DOCK1: variants seen among roughly 807,000 people sequenced by gnomAD.
DOCK1 encodes the protein dedicator of cytokinesis 1, also known as dedicator of cytokinesis protein 1.
A neutral mutation model predicts 262.7 loss-of-function variants in DOCK1; 138 were observed. The observed-to-expected ratio is 0.53, with a 90% CI of 0.46 to 0.61. The LOEUF is 0.61. Among genes scored for constraint, DOCK1 ranks in the 20% least tolerant of loss-of-function variants. The probability of loss-of-function intolerance (pLI) is 0.00; values close to 1 mark genes in which losing one functional copy is unlikely to be tolerated. For missense variants in DOCK1, 1,908 were observed against 2,370.7 expected (o/e 0.80, Z 4.05); for synonymous variants, 866 against 867.4 (o/e 1.00, Z 0.03).
chr10:127,135,783 A>T (rs1238329434), intron 27 of DOCK1: 1 of 152,518 alleles, frequency 6.6e-6, no homozygotes, highest in Non-Finnish European at 1.5e-5. Context: ...TATTTTGTGT[A>T]CTAGGATGTC....
Position 127,343,572 on chromosome 10 carries a change from A to G in DOCK1, c.3124-74A>G, listed in dbSNP as rs754330330. The G allele has an allele frequency of 2.0e-5, 24 of 1,190,570 alleles. 1 individual carries two copies. The African/African-American group carries it at 3.1e-4, about 15-fold the overall frequency. 73.8% of individuals were successfully genotyped at this position (1,190,570 alleles called of 1,614,324 possible). On this transcript the variant is annotated intron_variant, in intron 30 of 51. Coordinates refer to ENST00000623213, the MANE Select transcript of DOCK1 (RefSeq NM_001290223.2). ...GAAGTGTGTGCTGAGCAAATGATAAATGTCTGAGAGCATTGTTGAGATCCT... is the reference window on the plus strand; with the variant it reads ...GAAGTGTGTGCTGAGCAAATGATAAGTGTCTGAGAGCATTGTTGAGATCCT...
chr10:127,022,951 C>T (rs1327260529), intron 13 of DOCK1, among the ~76,000 whole-genome samples: 1 of 152,170 alleles, frequency 6.6e-6, no homozygotes, highest in African/African-American at 2.4e-5. Flanking sequence ...AGAGTGTCCT[C>T]TGCCCAGATG....
intron 27 of DOCK1, among the ~76,000 whole-genome samples, chr10:127,226,361 G>T (rs1336290033): frequency 6.6e-6 from 1 of 152,146 alleles, no homozygotes. Context: ...AATGCTGTCA[G>T]CAGGCCCACT....
intron 23 of DOCK1, among the ~76,000 whole-genome samples, chr10:127,062,403 A>T (rs1009415570): frequency 1.3e-5 from 2 of 152,196 alleles, no homozygotes; most frequent in Non-Finnish European, 2.9e-5. Context: ...AACATTCAGA[A>T]TCCTTTCTAC....
chr10:127,052,609 T>C, intron 21 of DOCK1, 72 bp from the exon 22 acceptor site: 2 of 1,605,204 alleles, frequency 1.2e-6, no homozygotes, highest in Non-Finnish European at 1.7e-6. Context: ...TACTTGTATA[T>C]TTCCTTAGCA....
At chr10:127,297,403 T>C (rs187282243) in intron 29 of DOCK1, among the ~76,000 whole-genome samples, 14 of 150,680 alleles carry the variant, frequency 9.3e-5, no homozygotes, top group Admixed American at 7.3e-4. Context: ...TTGTAGAGAG[T>C]AGGATGTGTG....
chr10:126,981,494 G>T (rs2038974185), intron 3 of DOCK1, among the ~76,000 whole-genome samples: 1 of 152,204 alleles, frequency 6.6e-6, no homozygotes, highest in Admixed American at 6.5e-5. Flanking sequence ...GAAAGTCTCT[G>T]TGGGTCTGGG....
intron 4 of DOCK1, among the ~76,000 whole-genome samples, chr10:126,984,016 A>T (rs1315466667): frequency 6.6e-6 from 1 of 152,108 alleles, no homozygotes; most frequent in Non-Finnish European, 1.5e-5. Flanking sequence ...CGATGCTCTT[A>T]TCCTCTTCTT....
At chr10:126,944,881 C>G (rs1298138434) in intron 1 of DOCK1, among the ~76,000 whole-genome samples, 1 of 152,136 alleles carries the variant, frequency 6.6e-6, no homozygotes, top group Non-Finnish European at 1.5e-5. Context: ...CTCTGTCACC[C>G]AGGCTGGAGT....
intron 4 of DOCK1, among the ~76,000 whole-genome samples, chr10:126,983,958 A>T (rs1461311009): frequency 1.3e-5 from 2 of 152,134 alleles, no homozygotes; most frequent in Non-Finnish European, 2.9e-5. Context: ...GCTCCACTGC[A>T]GCCTTGGACA....
intron 10 of DOCK1, chr10:127,007,722 C>CGGG (rs1204371558): frequency 6.6e-6 from 1 of 152,098 alleles, no homozygotes; most frequent in African/African-American, 2.4e-5. Context: ...CTGGATCTCC[C>CGGG]GGGGGGTGTG....
chr10:127,441,198 C>T (rs192474908), intron 49 of DOCK1, among the ~76,000 whole-genome samples: 4 of 152,354 alleles, frequency 2.6e-5, no homozygotes, highest in Admixed American at 6.5e-5. Flanking sequence ...CAAGCACACA[C>T]GTGACAGGCA....
chr10:127,026,353 T>C lies in DOCK1; in HGVS notation c.1553T>C (p.Val518Ala). The C allele has an allele frequency of 1.9e-6, 3 of 1,563,802 alleles. No homozygotes were observed. The highest frequency in any genetic ancestry group is 2.6e-6 in the Non-Finnish European group (3 of 1,152,656). ...AAACTTCTTTTTCAATTCTTGAAGG[T>C]GGCCATTCCCATCGAGGACGTTAAC... ...KQPRWFETVK[V>A]AIPIEDVNRS... The change falls in exon 16 of 52, where the codon GTG becomes GCG. Residue 518 changes from valine to alanine, a missense_variant and splice_region_variant. By Grantham distance (64) the Val-to-Ala change is moderately conservative. Transcript: ENST00000623213.
At position 127,270,531 on chromosome 10, in the gene DOCK1, C is replaced by T. The variant is rs181579499; in HGVS notation, c.3044+13102C>T. ...AATGCCACATGGCTGACTTTCCTCC[C>T]TCCCTCCCTCCCTCTCTTCCTTCCT... is the stretch of plus-strand genomic sequence containing the variant. On this transcript the variant is annotated intron_variant, in intron 29 of 51. Coordinates refer to ENST00000623213, the MANE Select transcript of DOCK1 (RefSeq NM_001290223.2). Among the ~76,000 whole-genome samples the T allele has an allele frequency of 4.6e-5, 7 of 152,162 alleles. No individual in the cohort carries two copies. The East Asian group carries it at 7.8e-4, about 17-fold the overall frequency.
intron 10 of DOCK1, among the ~76,000 whole-genome samples, chr10:127,008,327 G>T (rs1250283913): frequency 1.3e-5 from 2 of 152,080 alleles, no homozygotes; most frequent in Non-Finnish European, 2.9e-5. Context: ...CGAACTCCTG[G>T]GCTCAAGCAC....
intron 27 of DOCK1, chr10:127,137,270 C>T (rs1215999052): frequency 6.6e-6 from 1 of 152,670 alleles, no homozygotes; most frequent in African/African-American, 2.4e-5. Flanking sequence ...CACATGAAGG[C>T]AAATATACAT....
At chr10:127,024,874 C>CG in intron 15 of DOCK1, 91 bp downstream of exon 15, 1 of 1,148,394 alleles carries the variant, frequency 8.7e-7, no homozygotes, top group African/African-American at 1.5e-5. Context: ...CTCCTCAGCC[C>CG]GGGAGCTGCT....
intron 32 of DOCK1, among the ~76,000 whole-genome samples, chr10:127,360,333 G>A (rs2133912581): frequency 6.6e-6 from 1 of 151,528 alleles, no homozygotes; most frequent in East Asian, 2.0e-4. Context: ...CGGCTGGGGT[G>A]AGCACAATGG....
At chr10:127,376,262 A>G (rs1300453706) in intron 35 of DOCK1, among the ~76,000 whole-genome samples, 1 of 152,244 alleles carries the variant, frequency 6.6e-6, no homozygotes. Flanking sequence ...CTGGAAATCT[A>G]AAACACTGTA....
Sources: allele counts gnomAD v4.1 joint callset (sites outside exome capture counted in the v4.1 genomes callset), GRCh38; gene constraint gnomAD v4.1.1; transcripts MANE v1.5; gene names NCBI Gene and HGNC (gene_info 2026-07-23, HGNC 2026-07-21).